TAF1: variants seen among roughly 807,000 people sequenced by gnomAD.
TAF1 encodes TATA-box binding protein associated factor 1.
TAF1 carries 2 observed loss-of-function variants against 138.5 expected under a neutral mutation model. The observed-to-expected ratio is 0.01, with a 90% CI of 0.01 to 0.05. TAF1 has a LOEUF of 0.05. TAF1 is among the 10% of genes least tolerant of loss of function. The pLI, the probability that TAF1 is intolerant of heterozygous loss-of-function variation, is 1.00. For missense variants in TAF1, 709 were observed against 1,478.0 expected, an observed-to-expected ratio of 0.48 and a Z score of 8.53; for synonymous variants, 437 against 503.2, an observed-to-expected ratio of 0.87 and a Z score of 1.76.
chrX:71,452,933 C>T (rs1341659663), intron 32 of TAF1, among the ~76,000 whole-genome samples: 1 of 112,047 alleles, frequency 8.9e-6, no homozygotes, highest in African/African-American at 3.2e-5. Flanking sequence ...TGGTGGCGCG[C>T]GCCTGCAATC....
intron 24 of TAF1, among the ~76,000 whole-genome samples, chrX:71,400,004 T>A (rs865858035): frequency 8.1e-5 from 9 of 111,673 alleles, no homozygotes; most frequent in Admixed American, 2.9e-4. Context: ...AGTGCTGGGA[T>A]TACAGGCATG....
intron 13 of TAF1, among the ~76,000 whole-genome samples, chrX:71,486,511 C>T (rs1037965329): frequency 4.7e-5 from 5 of 107,153 alleles, no homozygotes; most frequent in Non-Finnish European, 7.7e-5. Flanking sequence ...CACACCACCA[C>T]GCCTGGCTAT....
chrX:71,504,388 G>A (rs1434238684), intron 13 of TAF1, among the ~76,000 whole-genome samples: 1 of 109,877 alleles, frequency 9.1e-6, no homozygotes, highest in Non-Finnish European at 1.9e-5. Context: ...TTTTTATCTG[G>A]CCCTCAAGGG....
At chrX:71,434,612 G>A (rs1037813387) in intron 32 of TAF1, among the ~76,000 whole-genome samples, 1 of 111,855 alleles carries the variant, frequency 8.9e-6, no homozygotes, top group Non-Finnish European at 1.9e-5. Flanking sequence ...GGACATAAAC[G>A]GCATGTATCA....
chrX:71,466,434 G>A (rs1302026254), downstream of TAF1: 1 of 111,032 alleles, frequency 9.0e-6, no homozygotes, highest in African/African-American at 3.3e-5. Flanking sequence ...CTGGAGTGCA[G>A]TGGTACGATC....
chrX:71,434,008 T>TA (rs1047010096), intron 32 of TAF1, among the ~76,000 whole-genome samples: 1 of 112,134 alleles, frequency 8.9e-6, no homozygotes, highest in African/African-American at 3.2e-5. Flanking sequence ...CACGAAATAA[T>TA]ATTTCTGTTT....
chrX:71,420,171 A>AGG, intron 28 of TAF1: 1 of 538,681 alleles, frequency 1.9e-6, no homozygotes, highest in Non-Finnish European at 3.3e-6. Context: ...GAATCGAGAG[A>AGG]GGGAACTGCT....
intron 28 of TAF1, among the ~76,000 whole-genome samples, chrX:71,412,382 G>A (rs1262523331): frequency 2.7e-5 from 3 of 110,637 alleles, no homozygotes; most frequent in African/African-American, 9.9e-5. Context: ...TCCTGACTTG[G>A]CCTCCCAAAG....
chrX:71,421,427 G>T, intron 29 of TAF1, 51 bp downstream of exon 29: 2 of 733,229 alleles, frequency 2.7e-6, no homozygotes, highest in South Asian at 2.2e-5. Context: ...GGTGGGGGTG[G>T]GATATCAGGG....
At chrX:71,510,933 G>A (rs1009349545) in intron 13 of TAF1, among the ~76,000 whole-genome samples, 7 of 110,667 alleles carry the variant, frequency 6.3e-5, no homozygotes, top group African/African-American at 1.3e-4. Flanking sequence ...GAGAAACCCC[G>A]TCTCTACTAA....
chrX:71,421,375 A>G lies in TAF1; in HGVS notation c.4451A>G (p.Glu1484Gly). ...GATCTCTGTGATGAAAAACTCAAAG[A>G]GGTAAGACAGTTAGAATGAGAGAAA... ...MLDLCDEKLK[E>G]KEDKLARLEK... The change falls in exon 29 of 38, where the codon GAG becomes GGG. Residue 1484 changes from glutamate to glycine, a missense_variant and splice_region_variant. By Grantham distance (98) the Glu-to-Gly change is moderately conservative. Transcript: ENST00000423759. 1.1e-6 allele frequency: 1 copy of G among 936,985 alleles called. No individual in the cohort carries two copies. The highest frequency in any genetic ancestry group is 1.5e-6 in the Non-Finnish European group (1 of 684,091). 77.2% of individuals were successfully genotyped at this position (936,985 alleles called of 1,213,427 possible). A position where few individuals can be genotyped will look rare whatever the true frequency, so the allele number is the denominator to read the frequency against.
In TAF1 at chrX:71,377,723, G is replaced by T. The variant is rs770996786; in HGVS notation, c.835G>T (p.Val279Leu). ...GATACAGGAAGAGCAGATCCAGGAG[G>T]TGGAGTGCTCAGTAGAATCAGAAGT... ...ELIQEEQIQE[V>L]ECSVESEVSQ... is the part of the protein sequence containing the mutation. The change falls in exon 6 of 38, where the codon GTG becomes TTG. Residue 279 changes from valine (V) to leucine (L), a missense_variant. Val to Leu is a conservative substitution (Grantham distance 32, BLOSUM62 1). Around this residue, in one of 14 missense-constraint regions of TAF1, gnomAD observed 26 missense variants for 20.9 expected, o/e 1.25. Coordinates refer to ENST00000423759, the MANE Select transcript of TAF1 (RefSeq NM_004606.5). 1 of 1,209,856 alleles carries T rather than the reference G, an allele frequency of 8.3e-7. No individual in the cohort carries two copies. The highest frequency in any genetic ancestry group is 1.1e-6 in the Non-Finnish European group (1 of 895,334).
At chrX:71,499,917 A>G (rs1272236303) in intron 13 of TAF1, among the ~76,000 whole-genome samples, 1 of 112,020 alleles carries the variant, frequency 8.9e-6, no homozygotes, top group African/African-American at 3.2e-5. Context: ...ACCTATCAGG[A>G]TCATCTGAAA....
chrX:71,402,049 C>T (rs1393785583), intron 25 of TAF1, among the ~76,000 whole-genome samples: 1 of 111,953 alleles, frequency 8.9e-6, no homozygotes, highest in African/African-American at 3.2e-5. Context: ...CAGTGCCTGA[C>T]ATATAGTAGA....
chrX:71,487,613 G>A (rs745796218), intron 13 of TAF1, among the ~76,000 whole-genome samples: 6 of 111,656 alleles, frequency 5.4e-5, no homozygotes, highest in East Asian at 2.8e-4. Context: ...GTGAGCCACC[G>A]CACCTGGCCT....
chrX:71,441,275 T>C lies in TAF1; in HGVS notation c.4754-12895T>C. On this transcript the variant is annotated intron_variant, in intron 32 of 37. Transcript: ENST00000423759. ...TTTATTGTTTGGAATTCAGTGCAAATTTTATTAGACTACAAAAACATATCA... is the reference window on the plus strand; with the variant it reads ...TTTATTGTTTGGAATTCAGTGCAAACTTTATTAGACTACAAAAACATATCA... 2.7e-5 allele frequency among the ~76,000 whole-genome samples: 3 copies of C among 110,447 alleles called. 1 individual carries two copies. Among genetic ancestry groups the C allele is most frequent in the Non-Finnish European group, 5.7e-5 (3 of 52,952 alleles).
At chrX:71,391,125 C>T (rs1477175893) in intron 18 of TAF1, among the ~76,000 whole-genome samples, 1 of 111,834 alleles carries the variant, frequency 8.9e-6, no homozygotes, top group Non-Finnish European at 1.9e-5. Context: ...AACCACTGTG[C>T]CTGGCCTCTA....
intron 33 of TAF1, 91 bp downstream of exon 33, chrX:71,454,328 G>T: frequency 1.2e-6 from 1 of 813,135 alleles, no homozygotes; most frequent in East Asian, 3.4e-5. Flanking sequence ...GGGGTCTGGT[G>T]GTACACAGCT....
chrX:71,406,550 C>T, intron 25 of TAF1, 88 bp from the exon 26 acceptor site: 1 of 953,051 alleles, frequency 1.0e-6, no homozygotes, highest in Non-Finnish European at 1.4e-6. Flanking sequence ...GCTTAGGTAC[C>T]TTGGACTTTT....
Sources: gnomAD v4.1 joint callset for allele counts (sites outside exome capture counted in the v4.1 genomes callset) on GRCh38, gnomAD v4.1.1 for gene constraint, gnomAD v4.1.1 regional missense constraint, MANE v1.5 for transcripts, NCBI Gene and HGNC (gene_info 2026-07-23, HGNC 2026-07-21) for gene names.